CSMD1: variants seen among roughly 807,000 people sequenced by gnomAD.
CSMD1 encodes CUB and sushi domain-containing protein 1.
Under a neutral mutation model 417.5 loss-of-function variants are expected in CSMD1, and 213 were observed. The ratio of observed to expected loss-of-function variants is 0.51; its 90% CI spans 0.46 to 0.57. The LOEUF (loss-of-function observed/expected upper bound fraction) is 0.57, where lower values mean the gene tolerates loss of function less well. CSMD1 is among the 20% of genes least tolerant of loss of function. The probability of loss-of-function intolerance (pLI) is 0.00; values close to 1 mark genes in which losing one functional copy is unlikely to be tolerated. For synonymous variants in CSMD1, 2,862 were observed against 1,736.8 expected, an observed-to-expected ratio of 1.65 and a Z score of -16.11; for missense variants, 6,923 against 4,529.7, an observed-to-expected ratio of 1.53 and a Z score of -15.17.
At chr8:4,709,355 G>A (rs1217178692) in intron 1 of CSMD1, among the ~76,000 whole-genome samples, 1 of 152,130 alleles carries the variant, frequency 6.6e-6, no homozygotes, top group Non-Finnish European at 1.5e-5. Context: ...GGGAGTTTAG[G>A]CTGTATGTCC....
At position 3,531,662 on chromosome 8, in the gene CSMD1, C is replaced by T. The variant is rs981133063; in HGVS notation, c.1345-37936G>A. Among the ~76,000 whole-genome samples, 12 of 152,268 alleles carry T rather than the reference C, an allele frequency of 7.9e-5. No homozygotes were observed. The South Asian group carries it at 1.7e-3, about 21-fold the overall frequency. Reference sequence around the variant, plus strand: ...TGCAATACAGGAAGTAGAACAAAAACTATTTATGCAGATAATGAGGGCAAA... The same window carrying T: ...TGCAATACAGGAAGTAGAACAAAAATTATTTATGCAGATAATGAGGGCAAA... On this transcript the variant is annotated intron_variant, in intron 10 of 69. Coordinates refer to ENST00000635120, the MANE Select transcript of CSMD1 (RefSeq NM_033225.6).
At chr8:4,895,795 G>T (rs1187058529) in intron 1 of CSMD1, among the ~76,000 whole-genome samples, 1 of 151,600 alleles carries the variant, frequency 6.6e-6, no homozygotes, top group Non-Finnish European at 1.5e-5. Flanking sequence ...AAATCAATAA[G>T]CTGTACAGCT....
At chr8:3,402,284 T>C (rs907451252) in intron 15 of CSMD1, among the ~76,000 whole-genome samples, 1 of 152,210 alleles carries the variant, frequency 6.6e-6, no homozygotes, top group African/African-American at 2.4e-5. Context: ...TTTTCTATGC[T>C]ACTTTACGCA....
intron 37 of CSMD1, among the ~76,000 whole-genome samples, chr8:3,168,653 A>ACACACAC (rs1554448529): frequency 9.2e-5 from 14 of 151,764 alleles, no homozygotes; most frequent in African/African-American, 3.4e-4. Context: ...ACACACACAC[A>ACACACAC]AATATATATA....
chr8:4,827,059 A>C (rs1799872256), intron 1 of CSMD1, among the ~76,000 whole-genome samples: 1 of 152,098 alleles, frequency 6.6e-6, no homozygotes, highest in Non-Finnish European at 1.5e-5. Context: ...CAGACTAAGA[A>C]CAGGGAAAAA....
chr8:3,468,992 C>G, intron 11 of CSMD1, 168 bp from the exon 12 acceptor site: 1 of 469,270 alleles, frequency 2.1e-6, no homozygotes, highest in Non-Finnish European at 3.8e-6. Context: ...AATATTCAAA[C>G]ATCACTATCA....
At chr8:4,053,581 C>A (rs1389111047) in intron 3 of CSMD1, among the ~76,000 whole-genome samples, 1 of 152,120 alleles carries the variant, frequency 6.6e-6, no homozygotes, top group Non-Finnish European at 1.5e-5. Flanking sequence ...AATTTCCACT[C>A]CTGCTCTTAG....
chr8:3,729,525 A>G (rs1239927456), intron 6 of CSMD1, among the ~76,000 whole-genome samples: 2 of 152,212 alleles, frequency 1.3e-5, no homozygotes, highest in African/African-American at 4.8e-5. Context: ...AACCTGCCCA[A>G]GAGGAATCGA....
intron 12 of CSMD1, among the ~76,000 whole-genome samples, chr8:3,453,864 C>G (rs903103371): frequency 3.3e-5 from 5 of 152,122 alleles, no homozygotes; most frequent in East Asian, 1.9e-4. Flanking sequence ...TCCTGGATAT[C>G]CTTGTTAACT....
At chr8:3,788,630 T>C (rs1426945969) in intron 5 of CSMD1, among the ~76,000 whole-genome samples, 1 of 152,224 alleles carries the variant, frequency 6.6e-6, no homozygotes, top group Non-Finnish European at 1.5e-5. Flanking sequence ...ATCTACATTT[T>C]ACTTGAGCCC....
chr8:3,229,759 C>A (rs975625655), intron 27 of CSMD1, among the ~76,000 whole-genome samples: 5 of 152,158 alleles, frequency 3.3e-5, no homozygotes, highest in Non-Finnish European at 7.3e-5. Flanking sequence ...TTTTAAATTA[C>A]AGACATTTGA....
chr8:3,923,414 T>G (rs886183811), intron 5 of CSMD1, among the ~76,000 whole-genome samples: 1 of 152,252 alleles, frequency 6.6e-6, no homozygotes, highest in Admixed American at 6.5e-5. Context: ...TTTGTCAATT[T>G]GATTATATTA....
intron 5 of CSMD1, among the ~76,000 whole-genome samples, chr8:3,771,983 A>T (rs993512432): frequency 6.6e-6 from 1 of 151,848 alleles, no homozygotes; most frequent in Non-Finnish European, 1.5e-5. Flanking sequence ...CATTTATCCA[A>T]TTCTGGGCTG....
At chr8:4,920,866 GA>G (rs1806396478) in intron 1 of CSMD1, among the ~76,000 whole-genome samples, 2 of 5,734 alleles carry the variant, frequency 3.5e-4, no homozygotes, top group African/African-American at 7.0e-4. Flanking sequence ...GAAAAGAAAA[GA>G]AAAGAAAAGA....
intron 3 of CSMD1, among the ~76,000 whole-genome samples, chr8:4,277,965 G>C (rs113620204): frequency 0.023 from 3,535 of 152,142 alleles, 127 homozygotes; most frequent in African/African-American, 0.079. Context: ...GGCCAGGCTG[G>C]TCTTGAACTC....
At chr8:3,736,881 G>A (rs1796549904) in intron 6 of CSMD1, among the ~76,000 whole-genome samples, 1 of 152,204 alleles carries the variant, frequency 6.6e-6, no homozygotes, top group Non-Finnish European at 1.5e-5. Flanking sequence ...TGCCTGGCAT[G>A]TAGAAGGTGC....
chr8:3,883,054 C>G (rs914932477), intron 5 of CSMD1, among the ~76,000 whole-genome samples: 1 of 152,060 alleles, frequency 6.6e-6, no homozygotes, highest in Non-Finnish European at 1.5e-5. Context: ...TATCTAAGAG[C>G]CACTGACATA....
intron 3 of CSMD1, among the ~76,000 whole-genome samples, chr8:4,108,044 AGAGACAGAGAC>A (rs1801658597): frequency 6.3e-3 from 1 of 160 alleles, no homozygotes; most frequent in Non-Finnish European, 0.013. Flanking sequence ...AGAGAGAAAG[AGAGACAGAGAC>A]AGAGACAGAG....
rs191753438 is a variant in CSMD1 at position 3,298,561 on chromosome 8, C to T, written c.3950+9134G>A. 1.4e-3 allele frequency among the ~76,000 whole-genome samples: 210 copies of T among 152,290 alleles called. 1 individual carries two copies. Among genetic ancestry groups the T allele is most frequent in the African/African-American group, 4.9e-3 (203 of 41,574 alleles). ...CTCTGCCTCCCAGGCTCAAGCAATT[C>T]TTCTGCCTCAGCCTCCCGAGTAGCT... On this transcript the variant is annotated intron_variant, in intron 25 of 69. Coordinates refer to ENST00000635120, the MANE Select transcript of CSMD1 (RefSeq NM_033225.6).
Sources: allele counts gnomAD v4.1 joint callset (sites outside exome capture counted in the v4.1 genomes callset), GRCh38; gene constraint gnomAD v4.1.1; transcripts MANE v1.5; gene names NCBI Gene and HGNC (gene_info 2026-07-23, HGNC 2026-07-21).